CACNA1C: variants seen among roughly 807,000 people sequenced by gnomAD.
CACNA1C encodes the protein voltage-dependent L-type calcium channel subunit alpha-1C.
Under a neutral mutation model 229.0 loss-of-function variants are expected in CACNA1C, and 30 were observed. The observed-to-expected ratio is 0.13, with a 90% CI of 0.10 to 0.18. The LOEUF (loss-of-function observed/expected upper bound fraction) is 0.18. Among genes scored for constraint, CACNA1C ranks in the 10% least tolerant of loss-of-function variants. CACNA1C has a pLI of 1.00. For missense variants in CACNA1C, 1,658 were observed against 2,845.0 expected, an observed-to-expected ratio of 0.58 and a Z score of 9.49; for synonymous variants, 1,114 against 1,132.5, an observed-to-expected ratio of 0.98 and a Z score of 0.33.
chr12:2,198,290 T>C (rs2154312074), intron 3 of CACNA1C, among the ~76,000 whole-genome samples: 1 of 152,256 alleles, frequency 6.6e-6, no homozygotes, highest in Admixed American at 6.5e-5. Context: ...TCTGCCTGCC[T>C]CTCTCCCCGC....
intron 3 of CACNA1C, among the ~76,000 whole-genome samples, chr12:2,315,512 G>A (rs2154490424): frequency 6.6e-6 from 1 of 152,290 alleles, no homozygotes; most frequent in South Asian, 2.1e-4. Flanking sequence ...TTATTAGGGA[G>A]AAGAATGGGC....
At chr12:2,159,603 CT>C (rs575455560) in intron 3 of CACNA1C, among the ~76,000 whole-genome samples, 8,912 of 138,236 alleles carry the variant, frequency 0.064, 679 homozygotes, top group African/African-American at 0.21. Context: ...CTTTCTTTCT[CT>C]TTTTTTTTTT....
At chr12:2,610,446 G>C in intron 27 of CACNA1C, 95 bp from the exon 28 acceptor site, 1 of 1,288,968 alleles carries the variant, frequency 7.8e-7, no homozygotes, top group Non-Finnish European at 1.1e-6. Context: ...ACCCCACAGT[G>C]TGTGGTCTCA....
intron 3 of CACNA1C, among the ~76,000 whole-genome samples, chr12:2,269,196 A>G (rs1036112775): frequency 1.3e-5 from 2 of 152,244 alleles, no homozygotes; most frequent in African/African-American, 4.8e-5. Context: ...TGCAAAAGAC[A>G]TTCCAAGGAG....
intron 34 of CACNA1C, 107 bp downstream of exon 34, chr12:2,655,345 G>A: frequency 1.5e-6 from 1 of 673,038 alleles, no homozygotes; most frequent in Non-Finnish European, 2.6e-6. Context: ...GAGTAGGAAG[G>A]GAGAGGATGT....
intron 38 of CACNA1C, among the ~76,000 whole-genome samples, chr12:2,670,487 T>C (rs2096500188): frequency 6.6e-6 from 1 of 151,992 alleles, no homozygotes; most frequent in Non-Finnish European, 1.5e-5. Context: ...TCAAAAACAA[T>C]AACAGAAACA....
At chr12:2,657,982 T>G (rs548040561) in intron 34 of CACNA1C, among the ~76,000 whole-genome samples, 3 of 151,026 alleles carry the variant, frequency 2.0e-5, no homozygotes, top group African/African-American at 7.4e-5. Flanking sequence ...TACATACCAA[T>G]AGAAGTATAA....
intron 1 of CACNA1C, among the ~76,000 whole-genome samples, chr12:1,975,847 A>G (rs185193145): frequency 3.0e-4 from 45 of 152,280 alleles, no homozygotes; most frequent in African/African-American, 7.0e-4. Context: ...ATATATTCAC[A>G]TGAAGGTTCT....
intron 1 of CACNA1C, among the ~76,000 whole-genome samples, chr12:2,065,648 A>G (rs1013546529): frequency 2.6e-5 from 4 of 152,214 alleles, no homozygotes; most frequent in Non-Finnish European, 4.4e-5. Context: ...ACAAGGATAT[A>G]AAGATAAAGG....
At chr12:2,199,914 C>T (rs903465356) in intron 3 of CACNA1C, among the ~76,000 whole-genome samples, 1 of 152,130 alleles carries the variant, frequency 6.6e-6, no homozygotes, top group African/African-American at 2.4e-5. Flanking sequence ...AAAGTGCTAC[C>T]ATCCTCCCAG....
chr12:2,136,715 A>G (rs1365681846), intron 3 of CACNA1C, among the ~76,000 whole-genome samples: 1 of 151,178 alleles, frequency 6.6e-6, no homozygotes, highest in Non-Finnish European at 1.5e-5. Context: ...CATAAGGGGT[A>G]GGCAAAGGGG....
chr12:2,290,969 G>A (rs535839811), intron 3 of CACNA1C, among the ~76,000 whole-genome samples: 40 of 152,282 alleles, frequency 2.6e-4, no homozygotes, highest in African/African-American at 9.6e-4. Flanking sequence ...TGATATCAGG[G>A]GGTTTACAGC....
intron 1 of CACNA1C, among the ~76,000 whole-genome samples, chr12:2,073,672 C>G (rs938929770): frequency 1.3e-5 from 2 of 152,224 alleles, no homozygotes; most frequent in Admixed American, 6.5e-5. Flanking sequence ...TGTCTTCCCT[C>G]TGAAGTATTT....
intron 3 of CACNA1C, among the ~76,000 whole-genome samples, chr12:2,249,094 A>G (rs1243678720): frequency 6.6e-6 from 1 of 152,220 alleles, no homozygotes; most frequent in Admixed American, 6.5e-5. Context: ...GTAAGGAGGT[A>G]AGGACTCTGG....
At chr12:1,994,250 A>G (rs1179722201) in intron 1 of CACNA1C, among the ~76,000 whole-genome samples, 1 of 152,216 alleles carries the variant, frequency 6.6e-6, no homozygotes, top group East Asian at 1.9e-4. Flanking sequence ...CTGAAGCTGA[A>G]GCAAGCAGAA....
intron 42 of CACNA1C, chr12:2,680,494 T>C: frequency 4.5e-6 from 7 of 1,570,214 alleles, no homozygotes; most frequent in Non-Finnish European, 6.0e-6. Context: ...CCCTGCATCG[T>C]GCCTGGCCAC....
intron 3 of CACNA1C, chr12:2,220,901 T>C (rs2061301865): frequency 6.8e-6 from 1 of 146,270 alleles, no homozygotes; most frequent in South Asian, 2.1e-4. Context: ...ATTTAAGATG[T>C]AAGCAAATAA....
intron 3 of CACNA1C, among the ~76,000 whole-genome samples, chr12:2,435,935 A>G (rs1195151647): frequency 6.6e-6 from 1 of 152,210 alleles, no homozygotes; most frequent in Non-Finnish European, 1.5e-5. Flanking sequence ...GAGGCTGCAG[A>G]ACCACAGGAA....
chr12:2,674,420 G>A, intron 38 of CACNA1C, 121 bp from the exon 39 acceptor site: 1 of 1,378,336 alleles, frequency 7.3e-7, no homozygotes, highest in South Asian at 1.6e-5. Context: ...AAGCAAGAAA[G>A]AAACTGATGA....
Sources: gnomAD v4.1 joint callset for allele counts (sites outside exome capture counted in the v4.1 genomes callset) on GRCh38, gnomAD v4.1.1 for gene constraint, MANE v1.5 for transcripts, NCBI Gene and HGNC (gene_info 2026-07-23, HGNC 2026-07-21) for gene names.